The following ZFR2 variants were observed in gnomAD, a reference collection of about 807,000 sequenced individuals.
ZFR2 encodes the protein zinc finger RNA binding protein 2, also known as zinc finger RNA-binding protein 2.
Under a neutral mutation model 105.7 loss-of-function variants are expected in ZFR2, and 104 were observed. The ratio of observed to expected loss-of-function variants is 0.98; its 90% CI spans 0.84 to 1.16. The LOEUF is 1.16. ZFR2 is among the 50% of genes most tolerant of loss of function. The pLI is 0.00. For synonymous variants in ZFR2, 634 were observed against 597.7 expected, an observed-to-expected ratio of 1.06 and a Z score of -0.89; for missense variants, 1,425 against 1,355.5, an observed-to-expected ratio of 1.05 and a Z score of -0.80.
intron 2 of ZFR2, among the ~76,000 whole-genome samples, chr19:3,833,999 G>A (rs940130449): frequency 6.6e-6 from 1 of 152,192 alleles, no homozygotes; most frequent in Non-Finnish European, 1.5e-5. Context: ...TCATGGAGCC[G>A]ACACTAATTT....
intron 3 of ZFR2, among the ~76,000 whole-genome samples, chr19:3,833,107 G>A (rs1357680842): frequency 6.6e-6 from 1 of 151,900 alleles, no homozygotes; most frequent in Non-Finnish European, 1.5e-5. Context: ...AAATTAGCCA[G>A]GCATGGTGGC....
intron 1 of ZFR2, among the ~76,000 whole-genome samples, chr19:3,840,579 G>C (rs74172609): frequency 6.6e-6 from 1 of 152,100 alleles, no homozygotes; most frequent in Non-Finnish European, 1.5e-5. Context: ...GCTCAGGCTG[G>C]AGTGTAGTGA....
intron 6 of ZFR2, among the ~76,000 whole-genome samples, chr19:3,825,733 G>A (rs1249431547): frequency 6.6e-6 from 1 of 152,120 alleles, no homozygotes; most frequent in African/African-American, 2.4e-5. Flanking sequence ...CCGTTTCTCA[G>A]CCTCCCAAGC....
At position 3,833,262 on chromosome 19, in the gene ZFR2, A is replaced by AG. The variant is rs1406592553; in HGVS notation, c.379+401_379+402insC. 1.5e-3 allele frequency among the ~76,000 whole-genome samples: 191 copies of AG among 130,932 alleles called. 1 individual carries two copies. Among genetic ancestry groups the AG allele is most frequent in the African/African-American group, 4.9e-3 (169 of 34,568 alleles). 85.9% of individuals were successfully genotyped at this position (130,932 alleles called of 152,430 possible). ...AGACTCCGTCTCAAAAAAAAAAAAAAAAAAGAAAAGAAAAGAAAAGATGTA... is the reference window on the plus strand; with the variant it reads ...AGACTCCGTCTCAAAAAAAAAAAAAAGAAAAGAAAAGAAAAGAAAAGATGTA... On this transcript the variant is annotated intron_variant, in intron 3 of 18. Coordinates refer to ENST00000262961, the MANE Select transcript of ZFR2 (RefSeq NM_015174.2).
In ZFR2 at chr19:3,822,063, T is replaced by A; in HGVS notation, c.1491+18A>T. 6.3e-7 allele frequency: 1 copy of A among 1,582,318 alleles called. No individual in the cohort carries two copies. Among genetic ancestry groups the A allele is most frequent in the South Asian group, 1.2e-5 (1 of 86,804 alleles). ...GCACAGCCCGGACGGGTGTCGGAGC[T>A]CCCCCTGCTGGACGCACCCGGTACT... On this transcript the variant is annotated intron_variant, in intron 9 of 18. Transcript: ENST00000262961.
intron 1 of ZFR2, among the ~76,000 whole-genome samples, chr19:3,846,114 C>A (rs1268447931): frequency 6.6e-6 from 1 of 152,206 alleles, no homozygotes; most frequent in South Asian, 2.1e-4. Context: ...GTAGCTGGGA[C>A]TAAAGGCGTG....
chr19:3,829,480 G>T (rs538807654), intron 5 of ZFR2, among the ~76,000 whole-genome samples: 167 of 151,568 alleles, frequency 1.1e-3, no homozygotes, highest in African/African-American at 3.8e-3. Context: ...GTGTGTGTGT[G>T]TTTTGTTGTT....
Position 3,831,304 on chromosome 19 carries a change from TG to T in ZFR2, c.850del (p.Gln284ArgfsTer143). The T allele has an allele frequency of 3.3e-6, 5 of 1,529,794 alleles. No homozygotes were observed. The highest frequency in any genetic ancestry group is 2.5e-5 in the South Asian group (2 of 81,440). 94.8% of individuals were successfully genotyped at this position (1,529,794 alleles called of 1,614,324 possible). The stretch of plus-strand genomic sequence containing the variant: ...GCCCATGGCAGGAGGGCGACTGACC[TG>T]GGGGCCAGCGCAGCTGATCTTGCAG... Reference protein sequence around the residue: ...DICKISCAGPQTYREHLGGQK... With the variant: ...DICKISCAGPXTYREHLGGQK... On this transcript the variant is annotated frameshift_variant and splice_region_variant, in exon 5 of 19. Transcript: ENST00000262961. LOFTEE classifies it high-confidence loss of function.
At position 3,819,251 on chromosome 19, in the gene ZFR2, G is replaced by A. The variant is rs769654748; in HGVS notation, c.1741-16C>T. 2.8e-5 allele frequency: 43 copies of A among 1,511,374 alleles called. No homozygotes were observed. The African/African-American group carries it at 3.9e-4, about 14-fold the overall frequency. The allele number at this position is 1,511,374 out of a possible 1,614,324, so 93.6% of individuals were successfully genotyped here. On this transcript the variant is annotated splice_polypyrimidine_tract_variant and intron_variant, in intron 11 of 18. Transcript: ENST00000262961. ...GCCGCCCGGGCTGTGGGGAGAGGCC[G>A]CACGTGTCAAGGGTGGTCTGTGGGG... is the stretch of plus-strand genomic sequence containing the variant.
chr19:3,817,710 C>T (rs1042882352), intron 12 of ZFR2, among the ~76,000 whole-genome samples: 6 of 144,136 alleles, frequency 4.2e-5, no homozygotes, highest in Admixed American at 7.2e-5. Context: ...GAGCCGAGAT[C>T]GCACCACTGC....
At chr19:3,840,805 T>C (rs1045102176) in intron 1 of ZFR2, among the ~76,000 whole-genome samples, 4 of 152,194 alleles carry the variant, frequency 2.6e-5, no homozygotes, top group African/African-American at 9.7e-5. Context: ...GTGCTGGGAT[T>C]ACAGGCCTAA....
chr19:3,824,268 C>T (rs566160522), intron 7 of ZFR2, among the ~76,000 whole-genome samples: 2 of 152,172 alleles, frequency 1.3e-5, no homozygotes, highest in Non-Finnish European at 2.9e-5. Flanking sequence ...CCTCTGCACT[C>T]CAGCCCGGGT....
At chr19:3,827,714 C>A in intron 5 of ZFR2, 61 bp from the exon 6 acceptor site, 1 of 1,534,152 alleles carries the variant, frequency 6.5e-7, no homozygotes, top group Non-Finnish European at 8.8e-7. Flanking sequence ...CTGTCCCCTC[C>A]CCTGCAGGCC....
intron 1 of ZFR2, among the ~76,000 whole-genome samples, chr19:3,836,499 T>G (rs184958685): frequency 3.9e-5 from 6 of 152,174 alleles, no homozygotes; most frequent in African/African-American, 1.4e-4. Flanking sequence ...TTTAAAAAAT[T>G]TTGGTAGAGG....
In ZFR2 at chr19:3,834,935, A is replaced by G; in HGVS notation, c.102T>C (p.Thr34=). ...GGTCCATCCCAGGAGTGGGTTGTGC[A>G]GTATAGCTGGCCCCCACAGTGGGCA... ...LPLPTVGASY[T]AQPTPGMDPA... is the part of the protein sequence containing the mutation. The change falls in exon 2 of 19, where the codon ACT becomes ACC. Residue 34 remains threonine, a synonymous_variant. Coordinates refer to ENST00000262961, the MANE Select transcript of ZFR2 (RefSeq NM_015174.2). This position sits in a 1 kb window ranked among gnomAD's most constrained non-coding sequence, Gnocchi z 5.3. The G allele has an allele frequency of 6.2e-7, 1 of 1,611,808 alleles. No homozygotes were observed. The highest frequency in any genetic ancestry group is 1.1e-5 in the South Asian group (1 of 90,640).
intron 1 of ZFR2, among the ~76,000 whole-genome samples, chr19:3,842,476 T>G (rs2038142436): frequency 6.6e-6 from 1 of 152,168 alleles, no homozygotes; most frequent in Non-Finnish European, 1.5e-5. Flanking sequence ...ATCTTTTCCA[T>G]TTTGTCTGAA....
Position 3,823,408 on chromosome 19 carries a change from G to T in ZFR2, c.1214-5C>A. The T allele has an allele frequency of 6.3e-7, 1 of 1,599,354 alleles. No homozygotes were observed. On this transcript the variant is annotated splice_region_variant and splice_polypyrimidine_tract_variant and intron_variant, in intron 7 of 18. Transcript: ENST00000262961. This position sits in a 1 kb window ranked among gnomAD's most constrained non-coding sequence, Gnocchi z 5.4. ...CTGCCTGTGGCTCAGGAGGCCCTGA[G>T]GGGAAAAACCATGTCACTTATACCC... is the stretch of plus-strand genomic sequence containing the variant.
chr19:3,810,764 C>G lies in ZFR2; in HGVS notation c.2419G>C (p.Ala807Pro). 1 of 1,548,866 alleles carries G rather than the reference C, an allele frequency of 6.5e-7. No individual in the cohort carries two copies. Among genetic ancestry groups the G allele is most frequent in the Admixed American group, 2.0e-5 (1 of 50,910 alleles). The change falls in exon 16 of 19, where the codon GCC becomes CCC. Residue 807 changes from alanine to proline, a missense_variant. Coordinates refer to ENST00000262961, the MANE Select transcript of ZFR2 (RefSeq NM_015174.2). ...DLCRRVPTWG[A>P]LPAWAMELLV... ...CACTGCCTTACCCAGGCTGGCAGGG[C>G]CCCCCAGGTGGGCACACGCCGGCAG...
chr19:3,842,991 A>T (rs922017675), intron 1 of ZFR2, among the ~76,000 whole-genome samples: 1 of 152,214 alleles, frequency 6.6e-6, no homozygotes, highest in South Asian at 2.1e-4. Flanking sequence ...TGGTGCAGCC[A>T]TTGTGGAAAC....
Sources: gnomAD v4.1 joint callset for allele counts (sites outside exome capture counted in the v4.1 genomes callset) on GRCh38, gnomAD v4.1.1 for gene constraint, Gnocchi (gnomAD v3.1) non-coding constraint, MANE v1.5 for transcripts, NCBI Gene and HGNC (gene_info 2026-07-23, HGNC 2026-07-21) for gene names.